MYH9: variants seen among roughly 807,000 people sequenced by gnomAD.
The protein encoded by MYH9 is myosin-9.
MYH9 carries 29 observed loss-of-function variants against 241.9 expected under a neutral mutation model. The observed-to-expected ratio is 0.12, with a 90% CI of 0.09 to 0.16. MYH9 has a LOEUF of 0.16. Ranked by LOEUF, MYH9 falls within the 10% of genes least tolerant of loss-of-function variation. MYH9 has a pLI of 1.00. For synonymous variants in MYH9, 1,047 were observed against 1,062.6 expected, an observed-to-expected ratio of 0.99 and a Z score of 0.29; for missense variants, 1,803 against 2,595.5, an observed-to-expected ratio of 0.69 and a Z score of 6.63.
chr22:36,372,494 C>CAAAAAA (rs57031494), intron 1 of MYH9, among the ~76,000 whole-genome samples: 9 of 71,764 alleles, frequency 1.3e-4, no homozygotes, highest in African/African-American at 3.7e-4. Flanking sequence ...CCCTGTCTCT[C>CAAAAAA]AAAAAAAAAA....
intron 25 of MYH9, among the ~76,000 whole-genome samples, chr22:36,296,064 C>T (rs971958749): frequency 1.3e-5 from 2 of 152,182 alleles, no homozygotes; most frequent in African/African-American, 2.4e-5. Context: ...GAATGTGCTA[C>T]GGACTTTAGA....
intron 1 of MYH9, among the ~76,000 whole-genome samples, chr22:36,386,551 C>T (rs2018353779): frequency 6.6e-6 from 1 of 152,230 alleles, no homozygotes; most frequent in Non-Finnish European, 1.5e-5. Flanking sequence ...TCATCAGTCA[C>T]TTTGAAATCC....
At chr22:36,283,251 T>C (rs548706450) in intron 40 of MYH9, among the ~76,000 whole-genome samples, 1 of 152,068 alleles carries the variant, frequency 6.6e-6, no homozygotes, top group Non-Finnish European at 1.5e-5. Flanking sequence ...AAGAGCCCCA[T>C]GAAGGCCTGG....
At chr22:36,345,500 A>G (rs940704213) in intron 2 of MYH9, among the ~76,000 whole-genome samples, 3 of 152,034 alleles carry the variant, frequency 2.0e-5, no homozygotes, top group Admixed American at 2.0e-4. Flanking sequence ...GGCACAGCAG[A>G]GTGGGTGTGA....
At chr22:36,312,840 G>A (rs1051416725) in intron 13 of MYH9, among the ~76,000 whole-genome samples, 1 of 152,178 alleles carries the variant, frequency 6.6e-6, no homozygotes, top group Non-Finnish European at 1.5e-5. Flanking sequence ...CAGGCGCGGT[G>A]GCTCACGCCT....
At chr22:36,316,794 GA>G (rs545845640) in intron 11 of MYH9, 125 bp from the exon 12 acceptor site, 23,304 of 711,156 alleles carry the variant, frequency 0.033, 2 homozygotes, top group Middle Eastern at 0.049. Flanking sequence ...GTATGTGGGG[GA>G]AAAAAAAAAA....
rs1347654271 is a variant in MYH9 at position 36,293,210 on chromosome 22, A to AG, written c.4095+118dup. ...TGTGGGAGAGCACGGTTGGCTTCCCAGGGGGAGAGCAGCAATGGGCCGGCC... is the reference window on the plus strand; with the variant it reads ...TGTGGGAGAGCACGGTTGGCTTCCCAGGGGGGAGAGCAGCAATGGGCCGGCC... On this transcript the variant is annotated intron_variant, in intron 30 of 40. Transcript: ENST00000216181. The surrounding 1 kb of genome is among the most constrained non-coding windows in gnomAD (Gnocchi z 5.1). 5.8e-6 allele frequency: 8 copies of AG among 1,369,910 alleles called. No individual in the cohort carries two copies. Among genetic ancestry groups the AG allele is most frequent in the Non-Finnish European group, 8.1e-6 (8 of 987,870 alleles). The allele number at this position is 1,369,910 out of a possible 1,614,324, so 84.9% of individuals were successfully genotyped here.
chr22:36,318,882 A>G (rs1252328044), intron 10 of MYH9, among the ~76,000 whole-genome samples: 11 of 151,062 alleles, frequency 7.3e-5, no homozygotes, highest in Non-Finnish European at 1.5e-5. Flanking sequence ...TCCTGCCTCA[A>G]CCTCCCAAGT....
At chr22:36,377,111 C>T (rs764641684) in intron 1 of MYH9, among the ~76,000 whole-genome samples, 18 of 151,734 alleles carry the variant, frequency 1.2e-4, no homozygotes, top group Non-Finnish European at 2.2e-4. Context: ...CCCATTTGTG[C>T]AATAAGGACT....
intron 34 of MYH9, among the ~76,000 whole-genome samples, chr22:36,287,204 G>A (rs939860398): frequency 1.3e-5 from 2 of 152,186 alleles, no homozygotes; most frequent in Non-Finnish European, 2.9e-5. Context: ...CCACAGGCAG[G>A]AAACACCTTT....
intron 30 of MYH9, 110 bp from the exon 31 acceptor site, chr22:36,292,344 AG>A: frequency 6.9e-7 from 1 of 1,458,272 alleles, no homozygotes; most frequent in Non-Finnish European, 9.5e-7. Context: ...AAGGGGCACC[AG>A]GGATCTGCCC....
At chr22:36,353,104 T>A (rs7284751) in intron 1 of MYH9, among the ~76,000 whole-genome samples, 23,779 of 76,416 alleles carry the variant, frequency 0.31, 2,769 homozygotes, top group African/African-American at 0.57. Flanking sequence ...TCTGGGGGCG[T>A]GTGTGTGTGT....
At chr22:36,350,196 C>G (rs947881088) in intron 1 of MYH9, among the ~76,000 whole-genome samples, 1 of 152,196 alleles carries the variant, frequency 6.6e-6, no homozygotes, top group Non-Finnish European at 1.5e-5. Context: ...GCCAAGAGAA[C>G]TTAAGTTCAT....
At chr22:36,363,364 A>G (rs1319726326) in intron 1 of MYH9, among the ~76,000 whole-genome samples, 1 of 152,208 alleles carries the variant, frequency 6.6e-6, no homozygotes, top group East Asian at 1.9e-4. Context: ...CTTGTTGAAA[A>G]TAACTGAATT....
At chr22:36,318,419 G>T in intron 10 of MYH9, 94 bp from the exon 11 acceptor site, 1 of 1,034,026 alleles carries the variant, frequency 9.7e-7, no homozygotes, top group Non-Finnish European at 1.5e-6. Context: ...AAGTCCCTCT[G>T]CTTGACTTGG....
In MYH9 at chr22:36,337,353, T is replaced by C. The variant is rs919012568; in HGVS notation, c.490+4017A>G. ...CACTAGTGCCAAGAGTGAGAATCCC[T>C]GGCTTAGTCTGACAATAGGTGAGTG... is the stretch of plus-strand genomic sequence containing the variant. On this transcript the variant is annotated intron_variant, in intron 3 of 40. Transcript: ENST00000216181. 2.3e-4 allele frequency among the ~76,000 whole-genome samples: 35 copies of C among 152,186 alleles called. 1 individual carries two copies. Among genetic ancestry groups the C allele is most frequent in the Admixed American group, 1.3e-4 (2 of 15,286 alleles).
intron 3 of MYH9, among the ~76,000 whole-genome samples, chr22:36,337,357 T>C (rs777984779): frequency 4.6e-5 from 7 of 152,180 alleles, no homozygotes; most frequent in Non-Finnish European, 1.0e-4. Context: ...AATCCCTGGC[T>C]TAGTCTGACA....
At chr22:36,347,503 C>T (rs1396130469) in intron 2 of MYH9, among the ~76,000 whole-genome samples, 1 of 151,652 alleles carries the variant, frequency 6.6e-6, no homozygotes, top group Non-Finnish European at 1.5e-5. Context: ...GAGGCCCAAG[C>T]AGAAGAATCA....
intron 14 of MYH9, among the ~76,000 whole-genome samples, 184 bp from the exon 15 acceptor site, chr22:36,309,580 C>T (rs1395211566): frequency 3.3e-5 from 5 of 152,368 alleles, no homozygotes; most frequent in South Asian, 2.1e-4. Flanking sequence ...TCAAGACGTT[C>T]TCTGCGGCGT....
Sources: allele counts gnomAD v4.1 joint callset (sites outside exome capture counted in the v4.1 genomes callset), GRCh38; gene constraint gnomAD v4.1.1; non-coding constraint Gnocchi (gnomAD v3.1); transcripts MANE v1.5; gene names NCBI Gene and HGNC (gene_info 2026-07-23, HGNC 2026-07-21).